TSPEAR: variants seen among roughly 807,000 people sequenced by gnomAD.
TSPEAR encodes the protein thrombospondin type laminin G domain and EAR repeats, also known as thrombospondin-type laminin G domain and EAR repeat-containing protein.
In TSPEAR, 69 loss-of-function variants were observed where a neutral mutation model predicts 71.6. The observed-to-expected ratio is 0.96, with a 90% CI of 0.79 to 1.18. TSPEAR has a LOEUF of 1.18. Among genes scored for constraint, TSPEAR ranks in the 50% most tolerant of loss-of-function variants. The probability of loss-of-function intolerance (pLI) is 0.00; values close to 1 mark genes in which losing one functional copy is unlikely to be tolerated. For synonymous variants in TSPEAR, 402 were observed against 387.2 expected (o/e 1.04, Z -0.45); for missense variants, 971 against 894.9 (o/e 1.09, Z -1.09).
chr21:44,513,095 AGTTT>A (rs2052442140), intron 9 of TSPEAR, among the ~76,000 whole-genome samples: 1 of 152,234 alleles, frequency 6.6e-6, no homozygotes, highest in East Asian at 1.9e-4. Flanking sequence ...AAGAAAAATT[AGTTT>A]ATCTGCAACT....
At chr21:44,579,632 T>G in intron 1 of TSPEAR, 1 of 1,156,842 alleles carries the variant, frequency 8.6e-7, no homozygotes, top group Non-Finnish European at 1.2e-6. Flanking sequence ...CCTGGGAGTA[T>G]GGAGGGGGGG....
At chr21:44,605,710 ACT>A (rs1408709894) in intron 1 of TSPEAR, among the ~76,000 whole-genome samples, 3 of 152,066 alleles carry the variant, frequency 2.0e-5, no homozygotes, top group African/African-American at 7.2e-5. Context: ...AAAAGGACAG[ACT>A]CTTCAATAAT....
chr21:44,655,067 T>C (rs1318567442), intron 1 of TSPEAR, among the ~76,000 whole-genome samples: 2 of 152,190 alleles, frequency 1.3e-5, no homozygotes, highest in Non-Finnish European at 2.9e-5. Context: ...CTGGGCTCTA[T>C]ATTGTGGAAT....
intron 1 of TSPEAR, among the ~76,000 whole-genome samples, chr21:44,581,003 C>T (rs1297684454): frequency 2.6e-5 from 4 of 152,132 alleles, no homozygotes; most frequent in African/African-American, 9.7e-5. Flanking sequence ...TATTTTATTA[C>T]TTTTAGCATA....
At chr21:44,650,548 GACAGAGTCATCC>G (rs1271658803) in intron 1 of TSPEAR, among the ~76,000 whole-genome samples, 1 of 152,196 alleles carries the variant, frequency 6.6e-6, no homozygotes, top group African/African-American at 2.4e-5. Flanking sequence ...CAGAAAACAG[GACAGAGTCATCC>G]CCCAGATGGG....
rs1291163106 is a variant in TSPEAR at position 44,579,931 on chromosome 21, T to A, written c.83-11926A>T. 7 of 1,612,260 alleles carry A rather than the reference T, an allele frequency of 4.3e-6. No homozygotes were observed. Among genetic ancestry groups the A allele is most frequent in the African/African-American group, 1.3e-5 (1 of 74,280 alleles). On this transcript the variant is annotated intron_variant, in intron 1 of 11. Transcript: ENST00000323084. ...AGAGGAGGGACACGGAGGAGGAGGG[T>A]CTGCAGCAGGAGGTGGTGCAGCAAG...
At chr21:44,652,627 C>G (rs1394853892) in intron 1 of TSPEAR, among the ~76,000 whole-genome samples, 2 of 152,122 alleles carry the variant, frequency 1.3e-5, no homozygotes, top group Non-Finnish European at 2.9e-5. Flanking sequence ...TCATGTGTAA[C>G]CCATACAGAG....
At chr21:44,588,686 TTATTTATA>T (rs1309586455) in intron 1 of TSPEAR, among the ~76,000 whole-genome samples, 1 of 48,524 alleles carries the variant, frequency 2.1e-5, no homozygotes, top group Non-Finnish European at 4.0e-5. Context: ...ATATATATAT[TTATTTATA>T]TATTTATATA....
At chr21:44,652,731 C>T (rs373753480) in intron 1 of TSPEAR, among the ~76,000 whole-genome samples, 8 of 152,236 alleles carry the variant, frequency 5.3e-5, no homozygotes, top group South Asian at 4.1e-4. Flanking sequence ...AACATTAAGG[C>T]GTGCCAGGTT....
chr21:44,592,712 C>T (rs437371), intron 1 of TSPEAR, among the ~76,000 whole-genome samples: 7 of 152,058 alleles, frequency 4.6e-5, no homozygotes, highest in East Asian at 1.9e-4. Flanking sequence ...GGATCCCTGG[C>T]GGCAGGAATT....
At chr21:44,615,331 G>T (rs1555932158) in intron 1 of TSPEAR, among the ~76,000 whole-genome samples, 1 of 152,238 alleles carries the variant, frequency 6.6e-6, no homozygotes, top group Non-Finnish European at 1.5e-5. Context: ...CCAGGCTGCG[G>T]AAGAGAGTCC....
chr21:44,530,002 A>G, intron 4 of TSPEAR, 48 bp from the exon 5 acceptor site: 1 of 1,494,852 alleles, frequency 6.7e-7, no homozygotes. Flanking sequence ...CTGGGGAAGG[A>G]CCCGCTGAGG....
At chr21:44,518,138 T>A in intron 9 of TSPEAR, 1 of 356,958 alleles carries the variant, frequency 2.8e-6, no homozygotes, top group South Asian at 2.3e-5. Context: ...CATTTTTTAT[T>A]TCGTAAGTGC....
chr21:44,639,063 AT>A (rs1983860162), intron 1 of TSPEAR, among the ~76,000 whole-genome samples: 2 of 152,086 alleles, frequency 1.3e-5, no homozygotes, highest in Admixed American at 1.3e-4. Context: ...GAGAGCACAG[AT>A]GGGCAGGGAC....
rs782251395 is a variant in TSPEAR, at chr21:44,601,242, G to A, written c.83-33237C>T. 6.4e-4 allele frequency: 1,021 copies of A among 1,597,396 alleles called. 3 individuals carry two copies. In the African/African-American group the frequency reaches 0.011, roughly 18 times the overall value. ...GCTGCATCAGCTCCTGCACGCCCTC[G>A]TGCTGCCAGCAGTCTAGCTGCAAGC... On this transcript the variant is annotated intron_variant, in intron 1 of 11. Coordinates refer to ENST00000323084, the MANE Select transcript of TSPEAR (RefSeq NM_144991.3).
At chr21:44,697,668 G>T in intron 1 of TSPEAR, 2 of 1,613,004 alleles carry the variant, frequency 1.2e-6, no homozygotes, top group Non-Finnish European at 8.5e-7. Flanking sequence ...GTGCCCGTCT[G>T]CTGCAAGCCC....
intron 1 of TSPEAR, among the ~76,000 whole-genome samples, chr21:44,665,458 G>C (rs1985703041): frequency 6.6e-6 from 1 of 152,222 alleles, no homozygotes; most frequent in African/African-American, 2.4e-5. Flanking sequence ...AATGCTACCA[G>C]CACAACGCAG....
intron 1 of TSPEAR, chr21:44,600,618 C>G (rs781859092): frequency 6.2e-7 from 1 of 1,611,144 alleles, no homozygotes; most frequent in Non-Finnish European, 8.5e-7. Flanking sequence ...GTTCAATCCC[C>G]AGCATGGCTG....
At chr21:44,691,128 C>T (rs1987106039) in intron 1 of TSPEAR, among the ~76,000 whole-genome samples, 1 of 151,932 alleles carries the variant, frequency 6.6e-6, no homozygotes. Flanking sequence ...CTCTCTCTCC[C>T]CAGCTCACCC....
Sources: gnomAD v4.1 joint callset for allele counts (sites outside exome capture counted in the v4.1 genomes callset) on GRCh38, gnomAD v4.1.1 for gene constraint, MANE v1.5 for transcripts, NCBI Gene and HGNC (gene_info 2026-07-23, HGNC 2026-07-21) for gene names.